Variants in UGT1A5 observed in about 807,000 individuals in gnomAD.
UGT1A5 encodes the protein UDP-glucuronosyltransferase 1A5.
In UGT1A5, 29 loss-of-function variants were observed where a neutral mutation model predicts 40.3. The ratio of observed to expected loss-of-function variants is 0.72; its 90% CI spans 0.54 to 0.98. UGT1A5 has a LOEUF of 0.98. Ranked by LOEUF, UGT1A5 falls within the 50% of genes least tolerant of loss-of-function variation. The pLI is 0.00. For synonymous variants in UGT1A5, 257 were observed against 262.5 expected (o/e 0.98, Z 0.20); for missense variants, 678 against 677.9 (o/e 1.00, Z 0.00).
At chr2:233,720,428 A>C (rs1040145834) in intron 1 of UGT1A5, among the ~76,000 whole-genome samples, 1 of 152,036 alleles carries the variant, frequency 6.6e-6, no homozygotes, top group Non-Finnish European at 1.5e-5. Context: ...AGGAGATAAG[A>C]CCGTGAATCT....
At chr2:233,727,462 C>G (rs1389495437) in intron 1 of UGT1A5, among the ~76,000 whole-genome samples, 2 of 152,116 alleles carry the variant, frequency 1.3e-5, no homozygotes, top group Non-Finnish European at 2.9e-5. Context: ...ACTTCACTGT[C>G]TAAATAAAAC....
At chr2:233,765,849 A>G (rs548142757) in intron 1 of UGT1A5, among the ~76,000 whole-genome samples, 8 of 152,220 alleles carry the variant, frequency 5.3e-5, no homozygotes, top group African/African-American at 1.7e-4. Flanking sequence ...TGTCCCCCTC[A>G]CAGAGCATGT....
intron 1 of UGT1A5, chr2:233,721,804 A>G: frequency 1.9e-6 from 1 of 514,924 alleles, no homozygotes; most frequent in South Asian, 1.4e-5. Flanking sequence ...CACATGCAGC[A>G]AAAATCCAGC....
At chr2:233,732,524 A>G (rs1199898466) in intron 1 of UGT1A5, among the ~76,000 whole-genome samples, 2 of 152,212 alleles carry the variant, frequency 1.3e-5, no homozygotes, top group African/African-American at 2.4e-5. Context: ...AGCTTTCTAC[A>G]TATGGCCAGT....
At chr2:233,759,599 A>ACC (rs1553620419) in intron 1 of UGT1A5, among the ~76,000 whole-genome samples, 7 of 108,662 alleles carry the variant, frequency 6.4e-5, no homozygotes, top group Admixed American at 1.0e-4. Context: ...CCCACCCCCG[A>ACC]CCCGCCCCAC....
chr2:233,761,943 G>A (rs542276464), intron 1 of UGT1A5, among the ~76,000 whole-genome samples: 197 of 152,320 alleles, frequency 1.3e-3, no homozygotes, highest in Non-Finnish European at 2.4e-3. Context: ...CAGGTGCTGC[G>A]TCTGGCTCCC....
At chr2:233,728,395 C>A (rs989594953) in intron 1 of UGT1A5, among the ~76,000 whole-genome samples, 4 of 152,120 alleles carry the variant, frequency 2.6e-5, no homozygotes, top group Non-Finnish European at 4.4e-5. Context: ...GTTGTCTTGC[C>A]CATGTGTGCT....
At chr2:233,748,100 CCAAT>C (rs1693866670) in intron 1 of UGT1A5, 1 of 1,612,644 alleles carries the variant, frequency 6.2e-7, no homozygotes, top group South Asian at 1.1e-5. Context: ...GTGCCTTCAT[CCAAT>C]CAATGTTCCA....
intron 1 of UGT1A5, chr2:233,718,723 T>C (rs1350568030): frequency 1.2e-6 from 2 of 1,610,130 alleles, no homozygotes; most frequent in African/African-American, 2.7e-5. Context: ...CATGCTGATT[T>C]GCTAGGTGGC....
rs944669670 is a variant in UGT1A5 at position 233,769,377 on chromosome 2, C to T, written c.1307+938C>T. Reference sequence around the variant, plus strand: ...GTGGTGGCCAGTGGTAGATTTCATCCGACAATAGATACTGTGTGCATATGT... The same window carrying T: ...GTGGTGGCCAGTGGTAGATTTCATCTGACAATAGATACTGTGTGCATATGT... On this transcript the variant is annotated intron_variant, in intron 4 of 4. Transcript: ENST00000373414. The surrounding 1 kb of genome is among the most constrained non-coding windows in gnomAD (Gnocchi z 4.4). 6.6e-5 allele frequency among the ~76,000 whole-genome samples: 10 copies of T among 152,088 alleles called. No individual in the cohort carries two copies. The highest frequency in any genetic ancestry group is 1.0e-4 in the Non-Finnish European group (7 of 68,014).
Position 233,772,730 on chromosome 2 carries a change from C to A in UGT1A5, c.*171C>A. Reference sequence around the variant, plus strand: ...CTCTTAAATAAAAATAATAGACTCGCTAGTCAGTAAAGATATTTGAATATG... The same window carrying A: ...CTCTTAAATAAAAATAATAGACTCGATAGTCAGTAAAGATATTTGAATATG... On this transcript the variant is annotated 3_prime_UTR_variant, in exon 5 of 5. Transcript: ENST00000373414. 1 of 1,445,162 alleles carries A rather than the reference C, an allele frequency of 6.9e-7. No homozygotes were observed. The highest frequency in any genetic ancestry group is 9.1e-7 in the Non-Finnish European group (1 of 1,100,576). The allele number at this position is 1,445,162 out of a possible 1,614,324, so 89.5% of individuals were successfully genotyped here.
rs1272833298 is a variant in UGT1A5, at chr2:233,768,361, C to T, written c.1229C>T (p.Ala410Val). ...DNAKRMETKG[A>V]GVTLNVLEMT... is the part of the protein sequence containing the mutation. ...GCAAAGCGCATGGAGACTAAGGGAG[C>T]TGGAGTGACCCTGAATGTTCTGGAA... Residue 410 changes from alanine to valine, a missense_variant, in exon 4 of 5, where the codon GCT becomes GTT. Physicochemically the swap from Ala to Val is moderately conservative, Grantham distance 64. Coordinates refer to ENST00000373414, the MANE Select transcript of UGT1A5 (RefSeq NM_019078.2). 1 of 1,614,004 alleles carries T rather than the reference C, an allele frequency of 6.2e-7. No individual in the cohort carries two copies. The highest frequency in any genetic ancestry group is 1.3e-5 in the African/African-American group (1 of 74,914).
chr2:233,720,341 A>G (rs1485102276), intron 1 of UGT1A5, among the ~76,000 whole-genome samples: 7 of 152,088 alleles, frequency 4.6e-5, no homozygotes, highest in Non-Finnish European at 1.0e-4. Flanking sequence ...TTTGGAAGGT[A>G]TGGTGATGGT....
At position 233,761,028 on chromosome 2, in the gene UGT1A5, A is replaced by G. The variant is rs1400753834; in HGVS notation, c.868-6006A>G. The G allele has an allele frequency of 9.3e-6, 15 of 1,614,144 alleles. No individual in the cohort carries two copies. Among genetic ancestry groups the G allele is most frequent in the Non-Finnish European group, 1.3e-5 (15 of 1,180,012 alleles). Reference sequence around the variant, plus strand: ...AGAGAGAGGTGACTGTCCAGGACCTATTGAGCTCTGCATCTGTCTGGCTGT... The same window carrying G: ...AGAGAGAGGTGACTGTCCAGGACCTGTTGAGCTCTGCATCTGTCTGGCTGT... On this transcript the variant is annotated intron_variant, in intron 1 of 4. Transcript: ENST00000373414.
rs147479386 is a variant in UGT1A5 at position 233,767,984 on chromosome 2, G to A, written c.1087+48G>A. The A allele has an allele frequency of 9.4e-4, 1,519 of 1,614,138 alleles. 17 individuals carry two copies. The African/African-American group carries it at 0.018, about 19-fold the overall frequency. On this transcript the variant is annotated intron_variant, in intron 3 of 4. Transcript: ENST00000373414. ...ATAGGTCAAACCAGGGTCAAATTAAGAAAATGGCTTAAGCACAGCTATTCT... is the reference window on the plus strand; with the variant it reads ...ATAGGTCAAACCAGGGTCAAATTAAAAAAATGGCTTAAGCACAGCTATTCT...
chr2:233,728,724 A>G (rs2077744422), intron 1 of UGT1A5, among the ~76,000 whole-genome samples: 1 of 152,220 alleles, frequency 6.6e-6, no homozygotes, highest in African/African-American at 2.4e-5. Flanking sequence ...AGCAGAGAGC[A>G]TATGACTGGG....
chr2:233,763,843 G>A (rs1698410988), intron 1 of UGT1A5, among the ~76,000 whole-genome samples: 1 of 152,204 alleles, frequency 6.6e-6, no homozygotes, highest in Non-Finnish European at 1.5e-5. Context: ...GGGTAAGATA[G>A]CAGTGGTTCA....
intron 1 of UGT1A5, among the ~76,000 whole-genome samples, chr2:233,745,892 C>T (rs573273105): frequency 7.3e-5 from 11 of 150,844 alleles, no homozygotes; most frequent in East Asian, 2.0e-4. Context: ...GGTGGGGTGG[C>T]GTTTTTCAGG....
chr2:233,746,992 G>A (rs1559391678), intron 1 of UGT1A5, among the ~76,000 whole-genome samples: 2 of 151,858 alleles, frequency 1.3e-5, no homozygotes, highest in Non-Finnish European at 2.9e-5. Context: ...AGGGTCAGAT[G>A]AGTTTTTCAA....
Sources: gnomAD v4.1 joint callset for allele counts (sites outside exome capture counted in the v4.1 genomes callset) on GRCh38, gnomAD v4.1.1 for gene constraint, Gnocchi (gnomAD v3.1) non-coding constraint, MANE v1.5 for transcripts, NCBI Gene and HGNC (gene_info 2026-07-23, HGNC 2026-07-21) for gene names.